Variants in AFG1L observed in about 807,000 individuals in gnomAD.
AFG1L encodes AFG1-like ATPase.
Under a neutral mutation model 62.2 loss-of-function variants are expected in AFG1L, and 53 were observed. That is an observed-to-expected ratio of 0.85 (90% confidence interval 0.68 to 1.07). AFG1L has a LOEUF of 1.07. Ranked by LOEUF, AFG1L falls within the 50% of genes least tolerant of loss-of-function variation. The pLI is 0.00. For synonymous variants in AFG1L, 228 were observed against 210.3 expected (o/e 1.08, Z -0.73); for missense variants, 555 against 590.5 (o/e 0.94, Z 0.62).
intron 6 of AFG1L, among the ~76,000 whole-genome samples, chr6:108,369,697 C>T (rs1779911649): frequency 6.6e-6 from 1 of 152,036 alleles, no homozygotes; most frequent in Non-Finnish European, 1.5e-5. Flanking sequence ...CAACCTCTGC[C>T]TCCTGGGTTC....
At chr6:108,332,455 A>G (rs761238979) in intron 2 of AFG1L, among the ~76,000 whole-genome samples, 2 of 152,352 alleles carry the variant, frequency 1.3e-5, no homozygotes, top group African/African-American at 2.4e-5. Flanking sequence ...AGGATTGTCT[A>G]TTCACTAAAT....
At chr6:108,310,163 C>T (rs1031612144) in intron 1 of AFG1L, among the ~76,000 whole-genome samples, 7 of 152,250 alleles carry the variant, frequency 4.6e-5, no homozygotes, top group Admixed American at 1.3e-4. Flanking sequence ...CAAGCCTTCC[C>T]GGCTTTTGAC....
At chr6:108,512,364 C>T (rs988584850) in intron 11 of AFG1L, among the ~76,000 whole-genome samples, 12 of 152,122 alleles carry the variant, frequency 7.9e-5, no homozygotes, top group African/African-American at 2.9e-4. Flanking sequence ...TGCATCCCCG[C>T]GGAGCCCACA....
chr6:108,476,952 C>A lies in AFG1L; in HGVS notation c.961+17C>A. ...AAAATGATTGTACGTAAGTTAATTT[C>A]TCTTGAAAGAGAATACATTTAGAAC... On this transcript the variant is annotated intron_variant, in intron 9 of 12. Transcript: ENST00000368977. The A allele has an allele frequency of 6.2e-7, 1 of 1,605,750 alleles. No individual in the cohort carries two copies. The highest frequency in any genetic ancestry group is 8.5e-7 in the Non-Finnish European group (1 of 1,172,464).
At chr6:108,340,989 T>G (rs1404469646) in intron 2 of AFG1L, among the ~76,000 whole-genome samples, 3 of 152,128 alleles carry the variant, frequency 2.0e-5, no homozygotes, top group Non-Finnish European at 4.4e-5. Flanking sequence ...AGAGATTCTT[T>G]GCAGAGACAC....
At chr6:108,472,393 C>A (rs1310529525) in intron 8 of AFG1L, among the ~76,000 whole-genome samples, 1 of 152,092 alleles carries the variant, frequency 6.6e-6, no homozygotes, top group African/African-American at 2.4e-5. Context: ...CCGCCCCCAA[C>A]CCCTCACACA....
At chr6:108,398,426 G>C (rs1781410428) in intron 6 of AFG1L, among the ~76,000 whole-genome samples, 1 of 152,066 alleles carries the variant, frequency 6.6e-6, no homozygotes, top group South Asian at 2.1e-4. Flanking sequence ...TTTGCCAGCT[G>C]TTTCCTTTGC....
intron 10 of AFG1L, among the ~76,000 whole-genome samples, chr6:108,498,695 C>A (rs1034095867): frequency 6.6e-6 from 1 of 152,146 alleles, no homozygotes; most frequent in African/African-American, 2.4e-5. Flanking sequence ...AATATATCGG[C>A]CAGGCACGGT....
At chr6:108,347,667 A>G (rs1778913469) in intron 3 of AFG1L, among the ~76,000 whole-genome samples, 2 of 152,168 alleles carry the variant, frequency 1.3e-5, no homozygotes, top group African/African-American at 4.8e-5. Flanking sequence ...TTACTGAAAT[A>G]TTCTGTTTTG....
intron 7 of AFG1L, among the ~76,000 whole-genome samples, chr6:108,418,282 T>C (rs1462201271): frequency 1.3e-5 from 2 of 152,194 alleles, no homozygotes; most frequent in Non-Finnish European, 2.9e-5. Context: ...TCAAGTTTTA[T>C]TGAAAAATTT....
chr6:108,356,493 A>G (rs947043935), intron 4 of AFG1L, among the ~76,000 whole-genome samples, 197 bp from the exon 5 acceptor site: 5 of 152,260 alleles, frequency 3.3e-5, no homozygotes, highest in Non-Finnish European at 7.3e-5. Flanking sequence ...TACAACTATA[A>G]GAACATAATA....
Position 108,347,041 on chromosome 6 carries a change from T to C in AFG1L, c.415+2T>C. On this transcript the variant is annotated splice_donor_variant, in intron 3 of 12. Transcript: ENST00000368977. LOFTEE classifies it high-confidence loss of function. ...GCCTGTATGTTTATGGAGATGTTGG[T>C]AAGTGTGTTAAAATAAGTTTTGGGT... 6.2e-7 allele frequency: 1 copy of C among 1,613,170 alleles called. No individual in the cohort carries two copies. The highest frequency in any genetic ancestry group is 2.2e-5 in the East Asian group (1 of 44,810).
At chr6:108,499,070 C>CT (rs200737971) in intron 10 of AFG1L, among the ~76,000 whole-genome samples, 108 of 138,522 alleles carry the variant, frequency 7.8e-4, no homozygotes, top group Admixed American at 1.2e-3. Flanking sequence ...ATAAATGTAA[C>CT]TTTTTTTTTT....
chr6:108,371,412 A>G (rs995258338), intron 6 of AFG1L, among the ~76,000 whole-genome samples: 1 of 152,154 alleles, frequency 6.6e-6, no homozygotes, highest in Non-Finnish European at 1.5e-5. Flanking sequence ...CCCTATCTCT[A>G]TAAAAAATTT....
chr6:108,463,160 A>C (rs1337269735), intron 8 of AFG1L, among the ~76,000 whole-genome samples: 1 of 152,000 alleles, frequency 6.6e-6, no homozygotes, highest in African/African-American at 2.4e-5. Flanking sequence ...ATGGTGGTGC[A>C]TGCCTGTAAT....
intron 7 of AFG1L, among the ~76,000 whole-genome samples, chr6:108,423,077 T>C (rs1770673598): frequency 6.6e-6 from 1 of 152,116 alleles, no homozygotes; most frequent in Non-Finnish European, 1.5e-5. Context: ...GGGTAAAGTA[T>C]GCACAAAGCT....
chr6:108,503,747 C>G (rs972978723), intron 10 of AFG1L, among the ~76,000 whole-genome samples: 3 of 152,210 alleles, frequency 2.0e-5, no homozygotes, highest in African/African-American at 7.2e-5. Flanking sequence ...TTCCCTCTAG[C>G]TATGAAAGTC....
intron 7 of AFG1L, among the ~76,000 whole-genome samples, chr6:108,419,104 A>C (rs147129167): frequency 2.2e-3 from 329 of 152,308 alleles, no homozygotes; most frequent in African/African-American, 7.3e-3. Flanking sequence ...GATAAATGCT[A>C]TTCATAAGTT....
At chr6:108,515,071 T>C (rs1385873534) in intron 11 of AFG1L, among the ~76,000 whole-genome samples, 3 of 152,022 alleles carry the variant, frequency 2.0e-5, no homozygotes, top group South Asian at 2.1e-4. Context: ...ACCCCACTGT[T>C]AACATTAGAC....
Sources: gnomAD v4.1 joint callset for allele counts (sites outside exome capture counted in the v4.1 genomes callset) on GRCh38, gnomAD v4.1.1 for gene constraint, MANE v1.5 for transcripts, NCBI Gene and HGNC (gene_info 2026-07-23, HGNC 2026-07-21) for gene names.